Variants in CSMD3 observed in about 807,000 individuals in gnomAD.
CSMD3 encodes the protein CUB and sushi domain-containing protein 3.
In CSMD3, 177 loss-of-function variants were observed where a neutral mutation model predicts 435.2. The observed-to-expected ratio is 0.41, with a 90% CI of 0.36 to 0.46. The LOEUF (loss-of-function observed/expected upper bound fraction) is 0.46. Among genes scored for constraint, CSMD3 ranks in the 20% least tolerant of loss-of-function variants. The pLI is 0.34. For synonymous variants in CSMD3, 1,656 were observed against 1,520.5 expected (o/e 1.09, Z -2.07); for missense variants, 4,265 against 4,504.6 (o/e 0.95, Z 1.52).
At chr8:113,419,333 G>T (rs1243408729) in intron 1 of CSMD3, among the ~76,000 whole-genome samples, 1 of 151,958 alleles carries the variant, frequency 6.6e-6, no homozygotes, top group Non-Finnish European at 1.5e-5. Flanking sequence ...GGCCAAGCTG[G>T]TCTCAAACTC....
At chr8:112,326,052 A>G (rs538425188) in intron 45 of CSMD3, among the ~76,000 whole-genome samples, 1 of 152,152 alleles carries the variant, frequency 6.6e-6, no homozygotes, top group East Asian at 1.9e-4. Flanking sequence ...CATAAATATT[A>G]ATATTTTCTG....
At chr8:112,569,587 G>C (rs994435893) in intron 24 of CSMD3, among the ~76,000 whole-genome samples, 3 of 151,992 alleles carry the variant, frequency 2.0e-5, no homozygotes, top group African/African-American at 7.2e-5. Context: ...ACCCAAAACT[G>C]AAAATAATCA....
Position 113,132,935 on chromosome 8 carries a change from A to T in CSMD3, c.710-33972T>A, listed in dbSNP as rs570131908. ...CCAAGTGAGTAATAGGATTTCTTAC[A>T]AAGAAAACATGAAGATCATTCTGAA... On this transcript the variant is annotated intron_variant, in intron 4 of 70. Coordinates refer to ENST00000297405, the MANE Select transcript of CSMD3 (RefSeq NM_198123.2). Among the ~76,000 whole-genome samples the T allele has an allele frequency of 5.9e-5, 9 of 152,314 alleles. No homozygotes were observed. In the South Asian group the frequency reaches 1.7e-3, roughly 28 times the overall value.
Position 113,019,055 on chromosome 8 carries a change from C to G in CSMD3, c.1030+12G>C, listed in dbSNP as rs1192080971. 6.6e-7 allele frequency: 1 copy of G among 1,505,166 alleles called. No homozygotes were observed. Among genetic ancestry groups the G allele is most frequent in the Non-Finnish European group, 9.3e-7 (1 of 1,080,942 alleles). 93.2% of individuals were successfully genotyped at this position (1,505,166 alleles called of 1,614,324 possible). On this transcript the variant is annotated intron_variant, in intron 6 of 70. Transcript: ENST00000297405. Reference sequence around the variant, plus strand: ...ACATATCAAAAGAGGCAAAGGTATTCCATAAGTATACCTTGATAGGGAGCA... The same window carrying G: ...ACATATCAAAAGAGGCAAAGGTATTGCATAAGTATACCTTGATAGGGAGCA...
chr8:113,348,791 CTTCTA>C (rs1429102677), intron 1 of CSMD3, among the ~76,000 whole-genome samples: 1 of 151,980 alleles, frequency 6.6e-6, no homozygotes, highest in African/African-American at 2.4e-5. Flanking sequence ...AATTTGTCCT[CTTCTA>C]TTTTAGGCTT....
At chr8:112,449,644 T>G (rs1483469372) in intron 32 of CSMD3, among the ~76,000 whole-genome samples, 1 of 152,212 alleles carries the variant, frequency 6.6e-6, no homozygotes, top group Non-Finnish European at 1.5e-5. Context: ...TCTTCCAATA[T>G]TCACACACCT....
intron 45 of CSMD3, 122 bp from the exon 46 acceptor site, chr8:112,320,103 CAA>C: frequency 2.9e-6 from 2 of 681,992 alleles, no homozygotes; most frequent in East Asian, 2.7e-5. Context: ...CATAATTTAT[CAA>C]GTGTCAATTA....
intron 32 of CSMD3, among the ~76,000 whole-genome samples, chr8:112,450,540 G>C (rs918662648): frequency 6.6e-6 from 1 of 152,146 alleles, no homozygotes; most frequent in Non-Finnish European, 1.5e-5. Flanking sequence ...TATCTTCTAA[G>C]GGTGGTTGGA....
At chr8:112,283,118 C>T (rs987459055) in intron 58 of CSMD3, among the ~76,000 whole-genome samples, 1 of 151,910 alleles carries the variant, frequency 6.6e-6, no homozygotes, top group Non-Finnish European at 1.5e-5. Flanking sequence ...AGTAACTTGC[C>T]CAATCTCACA....
At chr8:112,665,949 C>T (rs2075512927) in intron 17 of CSMD3, among the ~76,000 whole-genome samples, 1 of 152,130 alleles carries the variant, frequency 6.6e-6, no homozygotes, top group Admixed American at 6.6e-5. Flanking sequence ...CCTCTTGAAA[C>T]CTAGCAGAGC....
intron 13 of CSMD3, among the ~76,000 whole-genome samples, chr8:112,795,179 C>T (rs1465610798): frequency 6.6e-6 from 1 of 151,948 alleles, no homozygotes; most frequent in African/African-American, 2.4e-5. Flanking sequence ...ATAAAACCAA[C>T]ACAAAAAGAA....
chr8:113,101,853 A>C (rs971494091), intron 4 of CSMD3, among the ~76,000 whole-genome samples: 1 of 152,070 alleles, frequency 6.6e-6, no homozygotes, highest in African/African-American at 2.4e-5. Context: ...TTCTTCAGTA[A>C]ATGTTAGATT....
intron 3 of CSMD3, among the ~76,000 whole-genome samples, chr8:113,251,420 G>C (rs1431640230): frequency 6.6e-6 from 1 of 151,940 alleles, no homozygotes; most frequent in African/African-American, 2.4e-5. Flanking sequence ...ATGAGACACA[G>C]AGATTTTTCT....
At chr8:112,570,414 A>G (rs1393334146) in intron 24 of CSMD3, among the ~76,000 whole-genome samples, 2 of 152,238 alleles carry the variant, frequency 1.3e-5, no homozygotes, top group African/African-American at 4.8e-5. Flanking sequence ...CACAAAAGAA[A>G]CATTGAAACG....
At chr8:113,315,491 ATGGAAAGTC>A (rs2093902413) in intron 1 of CSMD3, among the ~76,000 whole-genome samples, 1 of 151,796 alleles carries the variant, frequency 6.6e-6, no homozygotes, top group African/African-American at 2.4e-5. Flanking sequence ...TATTTGTTCC[ATGGAAAGTC>A]TAAGTTACTG....
At chr8:113,356,829 T>C (rs2094232539) in intron 1 of CSMD3, among the ~76,000 whole-genome samples, 1 of 152,164 alleles carries the variant, frequency 6.6e-6, no homozygotes, top group South Asian at 2.1e-4. Flanking sequence ...TGCAGTTACA[T>C]CTGTGAGCAT....
chr8:113,253,615 G>A (rs2093353432), intron 3 of CSMD3, among the ~76,000 whole-genome samples: 1 of 151,974 alleles, frequency 6.6e-6, no homozygotes, highest in African/African-American at 2.4e-5. Context: ...GCCGAGGCGG[G>A]CAGATAACGA....
At chr8:112,314,772 G>A (rs1039093845) in intron 47 of CSMD3, among the ~76,000 whole-genome samples, 155 bp from the exon 48 acceptor site, 1 of 151,936 alleles carries the variant, frequency 6.6e-6, no homozygotes, top group Non-Finnish European at 1.5e-5. Context: ...TTAAACTTAT[G>A]ATTCAAAAGC....
chr8:113,340,783 C>T (rs564834633), intron 1 of CSMD3, among the ~76,000 whole-genome samples: 3 of 151,732 alleles, frequency 2.0e-5, no homozygotes, highest in Admixed American at 1.3e-4. Flanking sequence ...GCATGAGAAT[C>T]GCTTGAGCTT....
Sources: gnomAD v4.1 joint callset for allele counts (sites outside exome capture counted in the v4.1 genomes callset) on GRCh38, gnomAD v4.1.1 for gene constraint, MANE v1.5 for transcripts, NCBI Gene and HGNC (gene_info 2026-07-23, HGNC 2026-07-21) for gene names.